COL11A1: variants seen among roughly 807,000 people sequenced by gnomAD.
COL11A1 encodes the protein collagen alpha-1(XI) chain.
A neutral mutation model predicts 265.2 loss-of-function variants in COL11A1; 74 were observed. The observed-to-expected ratio is 0.28, with a 90% confidence interval of 0.23 to 0.34. COL11A1 has a LOEUF of 0.34. COL11A1 is among the 10% of genes least tolerant of loss of function. The pLI is 1.00. For synonymous variants in COL11A1, 816 were observed against 727.6 expected (o/e 1.12, Z -1.96); for missense variants, 2,165 against 2,263.6 (o/e 0.96, Z 0.88).
chr1:103,013,122 G>C (rs1042663407), intron 13 of COL11A1, among the ~76,000 whole-genome samples: 6 of 152,076 alleles, frequency 3.9e-5, no homozygotes, highest in Non-Finnish European at 7.4e-5. Flanking sequence ...TGTTAAATTA[G>C]TATTGTGTGC....
chr1:102,987,727 T>G lies in COL11A1; in HGVS notation c.2408A>C (p.Gln803Pro). The change falls in exon 30 of 67, where the codon CAA becomes CCA. Residue 803 changes from glutamine to proline, a missense_variant. Physicochemically the swap from Gln to Pro is moderately conservative, Grantham distance 76. Transcript: ENST00000370096. ...GCCATCTTCCCCTCTTGGGCCAATT[T>G]GACCAACTTCTCCCTGAGGCACAGA... ...GLKGDRGEVG[Q>P]IGPRGEDGPE... 6.2e-7 allele frequency: 1 copy of G among 1,613,390 alleles called. No homozygotes were observed.
chr1:103,092,554 G>T (rs115085036), intron 1 of COL11A1, among the ~76,000 whole-genome samples: 3,664 of 152,190 alleles, frequency 0.024, 56 homozygotes, highest in Non-Finnish European at 0.038. Flanking sequence ...AGCAATAAAT[G>T]AAAACTGCAT....
intron 1 of COL11A1, among the ~76,000 whole-genome samples, chr1:103,094,587 C>G (rs1214933579): frequency 6.6e-6 from 1 of 152,014 alleles, no homozygotes; most frequent in African/African-American, 2.4e-5. Flanking sequence ...AGATCAGCCC[C>G]TTGTCTTCCT....
Position 102,920,469 on chromosome 1 carries a change from T to G in COL11A1, c.3709-105A>C, listed in dbSNP as rs188113189. ...CAAAAAAGAGAAATAGATGCATGAGTATTCTTAGTCATTTAAAGAATGAGA... is the reference window on the plus strand; with the variant it reads ...CAAAAAAGAGAAATAGATGCATGAGGATTCTTAGTCATTTAAAGAATGAGA... On this transcript the variant is annotated intron_variant, in intron 48 of 66. Transcript: ENST00000370096. 95 of 935,812 alleles carry G rather than the reference T, an allele frequency of 1.0e-4. No homozygotes were observed. The African/African-American group carries it at 1.5e-3, about 14-fold the overall frequency. The allele number at this position is 935,812 out of a possible 1,614,324, so 58.0% of individuals were successfully genotyped here. A position where few individuals can be genotyped will look rare whatever the true frequency, so the allele number is the denominator to read the frequency against.
At chr1:103,011,639 T>C (rs1474023056) in intron 14 of COL11A1, among the ~76,000 whole-genome samples, 1 of 152,096 alleles carries the variant, frequency 6.6e-6, no homozygotes, top group Non-Finnish European at 1.5e-5. Context: ...TGCAAGTGTC[T>C]ACTATGTACA....
At chr1:102,913,353 A>T (rs2101023920) in intron 53 of COL11A1, among the ~76,000 whole-genome samples, 1 of 152,314 alleles carries the variant, frequency 6.6e-6, no homozygotes, top group Middle Eastern at 3.4e-3. Flanking sequence ...TTAATTTTTT[A>T]ACACAATGGA....
rs751517508 is a variant in COL11A1 at position 103,001,894 on chromosome 1, C to T, written c.2142+31G>A. 3 of 1,608,214 alleles carry T rather than the reference C, an allele frequency of 1.9e-6. No homozygotes were observed. The Admixed American group carries it at 5.0e-5, about 27-fold the overall frequency. On this transcript the variant is annotated intron_variant, in intron 24 of 66. Transcript: ENST00000370096. Reference sequence around the variant, plus strand: ...AGATTGCTAAAACAAACATGTTCACCAGGCTTTACGAGAACAACAGAGTAA... The same window carrying T: ...AGATTGCTAAAACAAACATGTTCACTAGGCTTTACGAGAACAACAGAGTAA...
chr1:102,920,274 C>T, intron 49 of COL11A1, 37 bp downstream of exon 49: 2 of 1,572,856 alleles, frequency 1.3e-6, no homozygotes, highest in Non-Finnish European at 1.8e-6. Context: ...GTTCTTAATT[C>T]ATGCTGTTTC....
intron 37 of COL11A1, 111 bp downstream of exon 37, chr1:102,970,108 C>T: frequency 1.4e-6 from 1 of 696,452 alleles, no homozygotes; most frequent in South Asian, 2.1e-5. Flanking sequence ...TTAATTTTTC[C>T]ATTTTTCTCA....
chr1:102,977,422 T>G (rs1662603019), intron 35 of COL11A1, among the ~76,000 whole-genome samples: 1 of 152,148 alleles, frequency 6.6e-6, no homozygotes, highest in Non-Finnish European at 1.5e-5. Context: ...TGTCTCACTC[T>G]CAAAGTGTTT....
intron 14 of COL11A1, among the ~76,000 whole-genome samples, chr1:103,010,463 G>T (rs998862716): frequency 6.6e-6 from 1 of 152,022 alleles, no homozygotes; most frequent in African/African-American, 2.4e-5. Flanking sequence ...TTTTGCCTAT[G>T]ACTTTGAGAA....
intron 4 of COL11A1, among the ~76,000 whole-genome samples, chr1:103,055,000 C>T (rs530385316): frequency 8.5e-5 from 13 of 152,248 alleles, no homozygotes; most frequent in Admixed American, 2.6e-4. Flanking sequence ...AATTTCCAAA[C>T]GGCTCTATAG....
chr1:103,080,219 A>C (rs1339342433), intron 2 of COL11A1, among the ~76,000 whole-genome samples: 1 of 151,954 alleles, frequency 6.6e-6, no homozygotes, highest in African/African-American at 2.4e-5. Flanking sequence ...CTATAAATGT[A>C]TGCATAGACT....
chr1:102,932,234 T>C (rs930526157), intron 46 of COL11A1, among the ~76,000 whole-genome samples: 1 of 152,236 alleles, frequency 6.6e-6, no homozygotes, highest in African/African-American at 2.4e-5. Context: ...CTGGTGCCGG[T>C]TGTTCCTTTC....
chr1:103,069,138 G>A (rs1176180984), intron 4 of COL11A1, among the ~76,000 whole-genome samples: 3 of 151,622 alleles, frequency 2.0e-5, no homozygotes, highest in South Asian at 4.1e-4. Flanking sequence ...TAAAAAGTAG[G>A]AGTATTTACC....
intron 41 of COL11A1, among the ~76,000 whole-genome samples, chr1:102,952,016 T>C (rs1428931518): frequency 6.6e-6 from 1 of 152,154 alleles, no homozygotes; most frequent in Non-Finnish European, 1.5e-5. Context: ...TTAATTGAAA[T>C]ATTTTAATAA....
At chr1:102,945,890 C>A (rs1379375835) in intron 42 of COL11A1, among the ~76,000 whole-genome samples, 2 of 150,694 alleles carry the variant, frequency 1.3e-5, no homozygotes, top group Non-Finnish European at 3.0e-5. Context: ...ATGTTTATTG[C>A]GGCACTATTC....
At chr1:102,892,840 C>T (rs1651940595) in intron 57 of COL11A1, among the ~76,000 whole-genome samples, 1 of 152,148 alleles carries the variant, frequency 6.6e-6, no homozygotes, top group South Asian at 2.1e-4. Flanking sequence ...AAGTTATTTT[C>T]ATACAAGCAC....
intron 41 of COL11A1, among the ~76,000 whole-genome samples, chr1:102,954,440 G>A (rs1417129227): frequency 1.3e-5 from 2 of 152,186 alleles, no homozygotes; most frequent in East Asian, 1.9e-4. Flanking sequence ...TCAGCATTCA[G>A]TTAAGATGCC....
Sources: allele counts gnomAD v4.1 joint callset (sites outside exome capture counted in the v4.1 genomes callset), GRCh38; gene constraint gnomAD v4.1.1; transcripts MANE v1.5; gene names NCBI Gene and HGNC (gene_info 2026-07-23, HGNC 2026-07-21).